The following TRARG1 variants were observed in gnomAD, a reference collection of about 807,000 sequenced individuals.
TRARG1 encodes trafficking regulator of GLUT4 1.
TRARG1 carries 16 observed loss-of-function variants against 13.3 expected under a neutral mutation model. That is an observed-to-expected ratio of 1.20 (90% CI 0.81 to 1.83). TRARG1 has a LOEUF of 1.83. TRARG1 is among the 40% of genes most tolerant of loss of function. The pLI, the probability that TRARG1 is intolerant of heterozygous loss-of-function variation, is 0.00. For missense variants in TRARG1, 250 were observed against 237.4 expected, an observed-to-expected ratio of 1.05 and a Z score of -0.35; for synonymous variants, 113 against 106.2, an observed-to-expected ratio of 1.06 and a Z score of -0.39.
intron 1 of TRARG1, among the ~76,000 whole-genome samples, chr17:1,282,111 TA>T (rs2095582784): frequency 7.9e-6 from 1 of 126,224 alleles, no homozygotes; most frequent in Admixed American, 8.8e-5. Context: ...TGTGTACACA[TA>T]AATGCACATA....
intron 1 of TRARG1, among the ~76,000 whole-genome samples, chr17:1,288,330 C>CTCCTCATCCCCCACGGGT (rs1567930551): frequency 2.0e-5 from 1 of 50,166 alleles, no homozygotes; most frequent in Non-Finnish European, 3.4e-5. Context: ...CCCCCACGGG[C>CTCCTCATCCCCCACGGGT]TCCTCATCCC....
At chr17:1,283,968 C>T (rs1205905024) in intron 1 of TRARG1, among the ~76,000 whole-genome samples, 4 of 151,168 alleles carry the variant, frequency 2.6e-5, no homozygotes, top group Non-Finnish European at 5.9e-5. Flanking sequence ...AAAAATTAGC[C>T]GGGCATGGTG....
intron 1 of TRARG1, among the ~76,000 whole-genome samples, chr17:1,285,060 C>A (rs1355359479): frequency 6.6e-6 from 1 of 152,098 alleles, no homozygotes; most frequent in Non-Finnish European, 1.5e-5. Flanking sequence ...GTCTGGCTGA[C>A]ATGGCAGAAG....
chr17:1,280,130 G>T lies in TRARG1; in HGVS notation c.129G>T (p.Leu43=). 3 of 1,613,956 alleles carry T rather than the reference G, an allele frequency of 1.9e-6. No individual in the cohort carries two copies. Among genetic ancestry groups the T allele is most frequent in the Non-Finnish European group, 2.5e-6 (3 of 1,180,046 alleles). ...ACAAGGATGACAAGACCCTGAATCT[G>T]TCCAAGACCCTCTCGGGGCCTCTGG... ...AENKDDKTLN[L]SKTLSGPLDL... Residue 43 remains leucine, a synonymous_variant, in exon 1 of 3, where the codon CTG becomes CTT. Coordinates refer to ENST00000333813, the MANE Select transcript of TRARG1 (RefSeq NM_172367.3).
chr17:1,298,225 G>A (rs766398913), intron 2 of TRARG1, 26 bp from the exon 3 acceptor site: 5 of 1,613,698 alleles, frequency 3.1e-6, no homozygotes, highest in Admixed American at 3.3e-5. Flanking sequence ...GCCCTGTTCT[G>A]CCATATCTGT....
intron 1 of TRARG1, among the ~76,000 whole-genome samples, chr17:1,282,684 T>A (rs2071992385): frequency 6.6e-6 from 1 of 150,454 alleles, no homozygotes; most frequent in African/African-American, 2.5e-5. Flanking sequence ...CTATATTCTT[T>A]AAAGGTTTTG....
At chr17:1,294,524 T>A (rs1216927363) in intron 1 of TRARG1, among the ~76,000 whole-genome samples, 1 of 140,382 alleles carries the variant, frequency 7.1e-6, no homozygotes, top group Non-Finnish European at 1.5e-5. Context: ...TGGAGTGCAA[T>A]GGCGCAATCT....
At chr17:1,289,502 C>T (rs995488689) in intron 1 of TRARG1, among the ~76,000 whole-genome samples, 3 of 148,030 alleles carry the variant, frequency 2.0e-5, no homozygotes, top group South Asian at 2.2e-4. Flanking sequence ...CCAGCATTGC[C>T]GATAGTTCCA....
chr17:1,287,054 C>A (rs987542632), intron 1 of TRARG1, among the ~76,000 whole-genome samples: 1 of 151,554 alleles, frequency 6.6e-6, no homozygotes, highest in East Asian at 1.9e-4. Context: ...TGGGAGGGAG[C>A]GAGGCCAGGA....
At position 1,295,568 on chromosome 17, in the gene TRARG1, C is replaced by T. The variant is rs377671247; in HGVS notation, c.465C>T (p.Thr155=). 2.5e-6 allele frequency: 4 copies of T among 1,613,340 alleles called. No homozygotes were observed. In the African/African-American group the frequency reaches 5.3e-5, roughly 22 times the overall value. Residue 155 remains threonine, a synonymous_variant, in exon 2 of 3, where the codon ACC becomes ACT. Transcript: ENST00000333813. ...LGRLARLLSI[T]LIIMGIVIIM... ...GCCTGGCTCGGCTGCTCAGCATTACCCTCATCATCATGGGCATCGTCATTA... is the reference window on the plus strand; with the variant it reads ...GCCTGGCTCGGCTGCTCAGCATTACTCTCATCATCATGGGCATCGTCATTA...
rs1486492815 is a variant in TRARG1 at position 1,282,220 on chromosome 17, ACGTG to A, written c.387+1836_387+1839del. On this transcript the variant is annotated intron_variant, in intron 1 of 2. Coordinates refer to ENST00000333813, the MANE Select transcript of TRARG1 (RefSeq NM_172367.3). ...TACACGTGCGTATATGTACGTATAC[ACGTG>A]CGTATATGTACGTATATGCACGTAT... is the stretch of plus-strand genomic sequence containing the variant. 2.4e-4 allele frequency among the ~76,000 whole-genome samples: 22 copies of A among 91,858 alleles called. 1 individual carries two copies. Among genetic ancestry groups the A allele is most frequent in the African/African-American group, 1.0e-3 (22 of 21,448 alleles). 60.3% of individuals were successfully genotyped at this position (91,858 alleles called of 152,430 possible). A position where few individuals can be genotyped will look rare whatever the true frequency, so the allele number is the denominator to read the frequency against.
chr17:1,281,451 T>C (rs2071972042), intron 1 of TRARG1, among the ~76,000 whole-genome samples: 1 of 152,120 alleles, frequency 6.6e-6, no homozygotes, highest in South Asian at 2.1e-4. Context: ...AGAAAGCTCC[T>C]ATTTCTTCAA....
intron 1 of TRARG1, among the ~76,000 whole-genome samples, chr17:1,286,121 AGCCTGAAGGAGAG>A (rs1241744303): frequency 6.6e-6 from 1 of 152,234 alleles, no homozygotes; most frequent in Non-Finnish European, 1.5e-5. Context: ...TGTCCCTGGC[AGCCTGAAGGAGAG>A]GCCGTGAGGG....
intron 1 of TRARG1, among the ~76,000 whole-genome samples, chr17:1,293,935 G>A (rs1200913550): frequency 6.6e-6 from 1 of 152,058 alleles, no homozygotes; most frequent in Non-Finnish European, 1.5e-5. Flanking sequence ...GTGATTCTGA[G>A]GCTAAAGGAG....
At chr17:1,296,477 G>A (rs979563985) in intron 2 of TRARG1, among the ~76,000 whole-genome samples, 5 of 147,998 alleles carry the variant, frequency 3.4e-5, no homozygotes, top group East Asian at 2.0e-4. Context: ...TGACAGGTGT[G>A]AGCCGCCACG....
At chr17:1,281,234 T>A (rs2150805066) in intron 1 of TRARG1, among the ~76,000 whole-genome samples, 1 of 152,268 alleles carries the variant, frequency 6.6e-6, no homozygotes, top group East Asian at 1.9e-4. Flanking sequence ...AAGTGACTTT[T>A]GAAGTCCAGG....
At chr17:1,297,692 C>G (rs1478641448) in intron 2 of TRARG1, among the ~76,000 whole-genome samples, 1 of 149,758 alleles carries the variant, frequency 6.7e-6, no homozygotes, top group African/African-American at 2.5e-5. Flanking sequence ...CAACCTCTGT[C>G]TCCCAGGTTC....
chr17:1,297,297 A>G (rs1203023752), intron 2 of TRARG1, among the ~76,000 whole-genome samples: 2 of 152,122 alleles, frequency 1.3e-5, no homozygotes, highest in Non-Finnish European at 2.9e-5. Flanking sequence ...TGGGGTGCCC[A>G]ACTTGAGCTT....
intron 1 of TRARG1, among the ~76,000 whole-genome samples, chr17:1,288,175 C>T (rs540759368): frequency 2.0e-5 from 3 of 151,940 alleles, no homozygotes; most frequent in African/African-American, 7.3e-5. Flanking sequence ...ATCACCTATT[C>T]GCTTCCACTG....
Sources: allele counts gnomAD v4.1 joint callset (sites outside exome capture counted in the v4.1 genomes callset), GRCh38; gene constraint gnomAD v4.1.1; transcripts MANE v1.5; gene names NCBI Gene and HGNC (gene_info 2026-07-23, HGNC 2026-07-21).